Variants in FAT3 observed in about 807,000 individuals in gnomAD.
The protein encoded by FAT3 is protocadherin Fat 3.
Under a neutral mutation model 310.2 loss-of-function variants are expected in FAT3, and 95 were observed. That is an observed-to-expected ratio of 0.31 (90% CI 0.26 to 0.36). The LOEUF (loss-of-function observed/expected upper bound fraction) is 0.36, where lower values mean the gene tolerates loss of function less well. FAT3 is among the 10% of genes least tolerant of loss of function. The pLI, the probability that FAT3 is intolerant of heterozygous loss-of-function variation, is 1.00. For missense variants in FAT3, 5,408 were observed against 5,715.6 expected (o/e 0.95, Z 1.74); for synonymous variants, 2,314 against 2,192.9 (o/e 1.06, Z -1.54).
chr11:92,557,582 A>G (rs1425879152), intron 3 of FAT3, among the ~76,000 whole-genome samples: 1 of 152,186 alleles, frequency 6.6e-6, no homozygotes, highest in Non-Finnish European at 1.5e-5. Context: ...CCTTCCCAAG[A>G]TGAGGTTGGT....
At chr11:92,882,217 CAT>C (rs1949684272) in intron 23 of FAT3, among the ~76,000 whole-genome samples, 1 of 152,126 alleles carries the variant, frequency 6.6e-6, no homozygotes, top group South Asian at 2.1e-4. Flanking sequence ...TGTGAATATC[CAT>C]ATGTTTCACT....
chr11:92,467,129 A>G (rs987873367), intron 2 of FAT3, among the ~76,000 whole-genome samples: 3 of 152,080 alleles, frequency 2.0e-5, no homozygotes, highest in Non-Finnish European at 2.9e-5. Flanking sequence ...TGGTATTTCT[A>G]GTTCTAGATC....
chr11:92,730,299 C>T (rs960677850), intron 4 of FAT3, among the ~76,000 whole-genome samples: 1 of 152,174 alleles, frequency 6.6e-6, no homozygotes, highest in African/African-American at 2.4e-5. Flanking sequence ...GATCACACCA[C>T]TGTACTTCAG....
intron 2 of FAT3, among the ~76,000 whole-genome samples, chr11:92,481,378 G>GA (rs1045248351): frequency 7.6e-4 from 114 of 149,498 alleles, no homozygotes; most frequent in African/African-American, 2.4e-3. Flanking sequence ...AAAGCTTTTG[G>GA]AAAAAAAAAC....
intron 4 of FAT3, among the ~76,000 whole-genome samples, chr11:92,747,992 G>A (rs1945722567): frequency 6.6e-6 from 1 of 152,194 alleles, no homozygotes; most frequent in South Asian, 2.1e-4. Context: ...CTGTTACTGA[G>A]TTCCAAAGTC....
chr11:92,829,178 T>G (rs2136251427), intron 13 of FAT3, among the ~76,000 whole-genome samples: 1 of 152,330 alleles, frequency 6.6e-6, no homozygotes, highest in African/African-American at 2.4e-5. Flanking sequence ...CTTTGCATGT[T>G]GTTCCTCATG....
chr11:92,801,358 A>G lies in FAT3; in HGVS notation c.8345A>G (p.Lys2782Arg), dbSNP rs1229954253. 26 of 1,613,792 alleles carry G rather than the reference A, an allele frequency of 1.6e-5. No homozygotes were observed. The highest frequency in any genetic ancestry group is 2.0e-5 in the Non-Finnish European group (24 of 1,179,880). ...DRETSPAFHF[K>R]VAATIPLDKV... ...GAAACCAGCCCAGCTTTCCACTTTA[A>G]AGTAGCAGCCACTATACCCCTGGAC... Residue 2782 changes from lysine (K) to arginine (R), a missense_variant, in exon 10 of 28, where the codon AAA becomes AGA. By Grantham distance (26) the Lys-to-Arg change is conservative. This residue lies in a region of FAT3 where 4,588 missense variants were observed against 4,809.8 expected (regional missense o/e 0.95). Coordinates refer to ENST00000525166, the MANE Select transcript of FAT3 (RefSeq NM_001367949.2).
chr11:92,727,959 G>T (rs1038710946), intron 4 of FAT3, among the ~76,000 whole-genome samples: 2 of 152,098 alleles, frequency 1.3e-5, no homozygotes, highest in Non-Finnish European at 2.9e-5. Context: ...TTCTTCTCAG[G>T]GTTCTCCGGG....
At chr11:92,805,050 T>C (rs1300355523) in intron 10 of FAT3, 103 bp from the exon 11 acceptor site, 6 of 1,153,902 alleles carry the variant, frequency 5.2e-6, no homozygotes, top group Non-Finnish European at 7.2e-6. Context: ...ATGATACAGT[T>C]TAAGGAGTAC....
intron 3 of FAT3, among the ~76,000 whole-genome samples, chr11:92,602,650 C>T (rs1211227091): frequency 6.6e-6 from 1 of 152,212 alleles, no homozygotes. Flanking sequence ...CAGCAGGTCA[C>T]AGAGGCACTG....
In FAT3 at chr11:92,276,058, A is replaced by G. The variant is rs16917316; in HGVS notation, c.-18+50884A>G. ...GAAAAAGAGGCCACTTTGTTGACAC[A>G]TGACAGAATACTTTTTCTGCCAAAT... On this transcript the variant is annotated intron_variant, in intron 1 of 27. Coordinates refer to ENST00000525166, the MANE Select transcript of FAT3 (RefSeq NM_001367949.2). 8.9e-3 allele frequency among the ~76,000 whole-genome samples: 1,350 copies of G among 152,336 alleles called. 18 individuals are homozygous for G. The highest frequency in any genetic ancestry group is 0.03 in the African/African-American group (1,268 of 41,590).
intron 3 of FAT3, among the ~76,000 whole-genome samples, chr11:92,639,028 T>A (rs1028676809): frequency 2.0e-5 from 3 of 152,336 alleles, no homozygotes; most frequent in Admixed American, 2.0e-4. Context: ...TTCTCTAGGT[T>A]AATGCATTAA....
intron 3 of FAT3, among the ~76,000 whole-genome samples, chr11:92,527,830 T>C (rs551564281): frequency 7.2e-5 from 11 of 152,114 alleles, no homozygotes; most frequent in African/African-American, 2.7e-4. Flanking sequence ...GATAGATAGA[T>C]AGATACATAG....
chr11:92,564,724 T>G (rs1262455192), intron 3 of FAT3, among the ~76,000 whole-genome samples: 3 of 151,560 alleles, frequency 2.0e-5, no homozygotes, highest in South Asian at 2.1e-4. Context: ...AACTCAGGAT[T>G]AAGGAACTCA....
At chr11:92,451,252 T>C (rs571447846) in intron 2 of FAT3, among the ~76,000 whole-genome samples, 1 of 152,274 alleles carries the variant, frequency 6.6e-6, no homozygotes, top group East Asian at 1.9e-4. Flanking sequence ...GGTTCATTGG[T>C]GGGTCACTCT....
intron 1 of FAT3, among the ~76,000 whole-genome samples, chr11:92,238,652 A>G (rs1864537762): frequency 6.6e-6 from 1 of 152,110 alleles, no homozygotes; most frequent in Non-Finnish European, 1.5e-5. Flanking sequence ...TCCAAGTTTG[A>G]GAAGCCTGCA....
intron 13 of FAT3, among the ~76,000 whole-genome samples, chr11:92,820,735 T>A (rs1220151900): frequency 6.6e-6 from 1 of 152,206 alleles, no homozygotes; most frequent in East Asian, 1.9e-4. Context: ...AAAAAATGCC[T>A]GGATTCCTGA....
In FAT3 at chr11:92,563,911, G is replaced by A. The variant is rs1181927525; in HGVS notation, c.3607+38963G>A. On this transcript the variant is annotated intron_variant, in intron 3 of 27. Coordinates refer to ENST00000525166, the MANE Select transcript of FAT3 (RefSeq NM_001367949.2). ...GCACTAAACATGGAAAGGAACAACC[G>A]GTACCAGCCGCTGCAAAATCATGCC... Among the ~76,000 whole-genome samples the A allele has an allele frequency of 3.3e-5, 5 of 151,728 alleles. 1 individual carries two copies. The highest frequency in any genetic ancestry group is 1.3e-4 in the Admixed American group (2 of 15,222).
intron 3 of FAT3, among the ~76,000 whole-genome samples, chr11:92,557,180 G>A (rs986898439): frequency 8.6e-5 from 13 of 151,892 alleles, no homozygotes; most frequent in African/African-American, 2.7e-4. Context: ...ACTTGGTTCG[G>A]ATTTTATGGA....
Sources: gnomAD v4.1 joint callset for allele counts (sites outside exome capture counted in the v4.1 genomes callset) on GRCh38, gnomAD v4.1.1 for gene constraint, gnomAD v4.1.1 regional missense constraint, MANE v1.5 for transcripts, NCBI Gene and HGNC (gene_info 2026-07-23, HGNC 2026-07-21) for gene names.